Variants in TP53BP1 observed in about 807,000 individuals in gnomAD.
TP53BP1 encodes tumor protein p53 binding protein 1.
In TP53BP1, 61 loss-of-function variants were observed where a neutral mutation model predicts 200.8. The observed-to-expected ratio is 0.30, with a 90% CI of 0.25 to 0.38. TP53BP1 has a LOEUF of 0.38. Ranked by LOEUF, TP53BP1 falls within the 10% of genes least tolerant of loss-of-function variation. The pLI, the probability that TP53BP1 is intolerant of heterozygous loss-of-function variation, is 1.00. For synonymous variants in TP53BP1, 822 were observed against 844.3 expected, an observed-to-expected ratio of 0.97 and a Z score of 0.46; for missense variants, 2,144 against 2,371.9, an observed-to-expected ratio of 0.90 and a Z score of 2.00.
At chr15:43,408,853 T>C (rs2045017146) in intron 26 of TP53BP1, 44 bp downstream of exon 26, 1 of 1,587,786 alleles carries the variant, frequency 6.3e-7, no homozygotes, top group African/African-American at 1.3e-5. Flanking sequence ...CAAAGCTTGC[T>C]GTCCTCCTGC....
chr15:43,408,751 C>T, intron 26 of TP53BP1, 146 bp downstream of exon 26: 2 of 751,552 alleles, frequency 2.7e-6, no homozygotes, highest in South Asian at 3.6e-5. Flanking sequence ...ACTAGATAAA[C>T]TCCTGAAGTC....
At chr15:43,419,264 G>T (rs1255649542) in intron 21 of TP53BP1, among the ~76,000 whole-genome samples, 1 of 152,174 alleles carries the variant, frequency 6.6e-6, no homozygotes. Context: ...CTTAACCAGT[G>T]ATGAAGATTA....
intron 11 of TP53BP1, among the ~76,000 whole-genome samples, chr15:43,459,690 G>T: frequency 6.6e-6 from 1 of 150,668 alleles, no homozygotes. Flanking sequence ...TTAAAGACAA[G>T]GCTTCACTCT....
In TP53BP1 at chr15:43,403,840, G is replaced by A. The variant is rs1426080362; in HGVS notation, c.*3543C>T. 5 of 1,506,188 alleles carry A rather than the reference G, an allele frequency of 3.3e-6. No homozygotes were observed. The highest frequency in any genetic ancestry group is 4.6e-6 in the Non-Finnish European group (5 of 1,082,486). 93.3% of individuals were successfully genotyped at this position (1,506,188 alleles called of 1,614,324 possible). A position where few individuals can be genotyped will look rare whatever the true frequency, so the allele number is the denominator to read the frequency against. ...AGTATGCAGCCTTGCCGAAAGGACA[G>A]AGGTGGTTTTGCCAATGGAGAATTC... On this transcript the variant is annotated 3_prime_UTR_variant, in exon 28 of 28. Coordinates refer to ENST00000382044, the MANE Select transcript of TP53BP1 (RefSeq NM_001141980.3).
intron 16 of TP53BP1, among the ~76,000 whole-genome samples, chr15:43,435,267 C>CAAAA (rs377275791): frequency 0.03 from 1,659 of 55,468 alleles, 120 homozygotes; most frequent in African/African-American, 0.06. Context: ...GACCCCATCT[C>CAAAA]AAAAAAAAAA....
At chr15:43,499,516 A>G (rs1015812065) in intron 1 of TP53BP1, among the ~76,000 whole-genome samples, 5 of 152,200 alleles carry the variant, frequency 3.3e-5, no homozygotes, top group Admixed American at 6.5e-5. Context: ...ACACTTTCCC[A>G]TTCTACTCTG....
At chr15:43,421,222 T>C in intron 19 of TP53BP1, 48 bp from the exon 20 acceptor site, 1 of 1,599,218 alleles carries the variant, frequency 6.3e-7, no homozygotes, top group Non-Finnish European at 8.6e-7. Context: ...TACTGAATCT[T>C]TTCTTCACAA....
chr15:43,474,751 C>A lies in TP53BP1; in HGVS notation c.1102G>T (p.Val368Phe), dbSNP rs2046815390. The change falls in exon 10 of 28, where the codon GTT becomes TTT. Residue 368 changes from valine (V) to phenylalanine (F), a missense_variant. By Grantham distance (50) the Val-to-Phe change is conservative. This residue lies in a region of TP53BP1 where 1,700 missense variants were observed against 1,710.3 expected (regional missense o/e 0.99). Coordinates refer to ENST00000382044, the MANE Select transcript of TP53BP1 (RefSeq NM_001141980.3). ...CGGAAAGCATCAGGAGAAGGAGCAACAAGATCTGAAGAATTCCTTTATATA... is the reference window on the plus strand; with the variant it reads ...CGGAAAGCATCAGGAGAAGGAGCAAAAAGATCTGAAGAATTCCTTTATATA... ...DSLSTNSSDL[V>F]APSPDAFRST... 3.1e-6 allele frequency: 5 copies of A among 1,611,256 alleles called. No individual in the cohort carries two copies. Among genetic ancestry groups the A allele is most frequent in the Middle Eastern group, 3.3e-4 (2 of 6,056 alleles).
intron 10 of TP53BP1, among the ~76,000 whole-genome samples, chr15:43,474,142 G>C (rs578126946): frequency 9.2e-5 from 14 of 152,304 alleles, no homozygotes; most frequent in Admixed American, 2.6e-4. Flanking sequence ...TCATTGCCCG[G>C]GGGGCCGGCA....
In TP53BP1 at chr15:43,416,346, C is replaced by T; in HGVS notation, c.4752G>A (p.Lys1584=). 1 of 1,614,180 alleles carries T rather than the reference C, an allele frequency of 6.2e-7. No homozygotes were observed. Among genetic ancestry groups the T allele is most frequent in the South Asian group, 1.1e-5 (1 of 91,088 alleles). The change falls in exon 22 of 28, where the codon AAG becomes AAA. Residue 1584 remains lysine, a synonymous_variant. Transcript: ENST00000382044. ...GGATGACAGCCATTCGCTTATACCA[C>T]TTTCTTTGGCCTTCTTTTTCAATGC... The part of the protein sequence containing the change: ...YYSIEKEGQR[K]WYKRMAVILS...
intron 4 of TP53BP1, among the ~76,000 whole-genome samples, chr15:43,483,287 T>G (rs1424159855): frequency 6.8e-6 from 1 of 146,128 alleles, no homozygotes; most frequent in Admixed American, 6.7e-5. Flanking sequence ...AAATGTATAC[T>G]CTTTCATTTC....
intron 11 of TP53BP1, among the ~76,000 whole-genome samples, chr15:43,459,637 C>T (rs1306610711): frequency 6.6e-6 from 1 of 151,660 alleles, no homozygotes; most frequent in African/African-American, 2.4e-5. Context: ...ACACACACTT[C>T]CTGATTCCAA....
chr15:43,452,443 G>A lies in TP53BP1; in HGVS notation c.2716+3449C>T, dbSNP rs373451820. Among the ~76,000 whole-genome samples the A allele has an allele frequency of 3.4e-3, 519 of 151,756 alleles. 3 individuals carry two copies. Among genetic ancestry groups the A allele is most frequent in the Non-Finnish European group, 5.7e-3 (390 of 67,910 alleles). On this transcript the variant is annotated intron_variant, in intron 12 of 27. Transcript: ENST00000382044. ...CATGCTGGTACACGCCTGTAGTCCC[G>A]GCTTCTCGGGGCGGGGGGCTGAAGT...
At chr15:43,441,636 A>C in intron 14 of TP53BP1, 53 bp from the exon 15 acceptor site, 3 of 1,229,438 alleles carry the variant, frequency 2.4e-6, no homozygotes, top group Non-Finnish European at 3.6e-6. Flanking sequence ...GAATTTAGTT[A>C]GTATCACACC....
chr15:43,446,193 A>C lies in TP53BP1; in HGVS notation c.3040+194T>G, dbSNP rs45581640. On this transcript the variant is annotated intron_variant, in intron 14 of 27. Coordinates refer to ENST00000382044, the MANE Select transcript of TP53BP1 (RefSeq NM_001141980.3). ...ACAGACTTAACAGAAACAAGCTATA[A>C]TATGGAGATTATAAAACAGAGTATC... 5.5e-3 allele frequency among the ~76,000 whole-genome samples: 839 copies of C among 152,332 alleles called. 4 individuals are homozygous for C. The highest frequency in any genetic ancestry group is 0.019 in the African/African-American group (807 of 41,556).
Position 43,403,466 on chromosome 15 carries a change from G to A in TP53BP1, c.*3917C>T. ...TTGGAGGTTTGGTGCAGGGCTAAGA[G>A]AGTAATACTCGCTTAGCCAGGAAAG... On this transcript the variant is annotated 3_prime_UTR_variant, in exon 28 of 28. Coordinates refer to ENST00000382044, the MANE Select transcript of TP53BP1 (RefSeq NM_001141980.3). 6.0e-6 allele frequency: 3 copies of A among 497,498 alleles called. No homozygotes were observed. The South Asian group carries it at 7.6e-5, about 13-fold the overall frequency. The allele number at this position is 497,498 out of a possible 1,614,324, so 30.8% of individuals were successfully genotyped here.
intron 10 of TP53BP1, among the ~76,000 whole-genome samples, chr15:43,470,781 T>C (rs2046706774): frequency 6.6e-6 from 1 of 152,204 alleles, no homozygotes; most frequent in Non-Finnish European, 1.5e-5. Context: ...TCATCATTTG[T>C]ATCCCCTATC....
chr15:43,439,588 T>A (rs1217817469), intron 15 of TP53BP1, among the ~76,000 whole-genome samples: 1 of 152,170 alleles, frequency 6.6e-6, no homozygotes, highest in African/African-American at 2.4e-5. Flanking sequence ...AAGGACCACT[T>A]CCAATATTGT....
intron 10 of TP53BP1, among the ~76,000 whole-genome samples, chr15:43,471,769 A>G (rs544348927): frequency 6.6e-6 from 1 of 152,270 alleles, no homozygotes; most frequent in East Asian, 1.9e-4. Context: ...TATTTTTTCA[A>G]TGTTCACACT....
Sources: gnomAD v4.1 joint callset for allele counts (sites outside exome capture counted in the v4.1 genomes callset) on GRCh38, gnomAD v4.1.1 for gene constraint, gnomAD v4.1.1 regional missense constraint, MANE v1.5 for transcripts, NCBI Gene and HGNC (gene_info 2026-07-23, HGNC 2026-07-21) for gene names.